The following FOXO1 variants were observed in gnomAD, a reference collection of about 807,000 sequenced individuals.
FOXO1 encodes forkhead box O1, also known as forkhead box protein O1.
In FOXO1, 6 loss-of-function variants were observed where a neutral mutation model predicts 44.1. That is an observed-to-expected ratio of 0.14 (90% CI 0.07 to 0.27). The LOEUF (loss-of-function observed/expected upper bound fraction) is 0.27. FOXO1 is among the 10% of genes least tolerant of loss of function. The probability of loss-of-function intolerance (pLI) is 1.00; values close to 1 mark genes in which losing one functional copy is unlikely to be tolerated. For synonymous variants in FOXO1, 380 were observed against 362.7 expected, an observed-to-expected ratio of 1.05 and a Z score of -0.54; for missense variants, 737 against 888.8, an observed-to-expected ratio of 0.83 and a Z score of 2.17.
chr13:40,631,188 G>A (rs943000407), intron 1 of FOXO1, among the ~76,000 whole-genome samples: 1 of 152,112 alleles, frequency 6.6e-6, no homozygotes, highest in Non-Finnish European at 1.5e-5. Context: ...GGATCCCTGC[G>A]AAAAGTATTT....
At chr13:40,664,050 C>T (rs1878132649) in intron 1 of FOXO1, among the ~76,000 whole-genome samples, 1 of 152,076 alleles carries the variant, frequency 6.6e-6, no homozygotes. Context: ...CGAGGCGGGC[C>T]GATCACGAGG....
intron 1 of FOXO1, among the ~76,000 whole-genome samples, chr13:40,565,106 T>C (rs957982388): frequency 6.6e-6 from 1 of 151,794 alleles, no homozygotes; most frequent in African/African-American, 2.4e-5. Flanking sequence ...CCTCAATAAC[T>C]GTTTGTTGCT....
At chr13:40,602,728 C>A (rs1264774403) in intron 1 of FOXO1, among the ~76,000 whole-genome samples, 1 of 152,166 alleles carries the variant, frequency 6.6e-6, no homozygotes, top group African/African-American at 2.4e-5. Flanking sequence ...TGATACAGCA[C>A]CTTTCAACAC....
In FOXO1 at chr13:40,611,191, C is replaced by A. The variant is rs1876216082; in HGVS notation, c.631-50331G>T. 2.3e-5 allele frequency: 8 copies of A among 342,568 alleles called. No homozygotes were observed. In the Admixed American group the frequency reaches 3.1e-4, roughly 13 times the overall value. The allele number at this position is 342,568 out of a possible 1,614,324, so 21.2% of individuals were successfully genotyped here. On this transcript the variant is annotated intron_variant, in intron 1 of 2. Coordinates refer to ENST00000379561, the MANE Select transcript of FOXO1 (RefSeq NM_002015.4). ...CAATGAGTTTTGTTCTACCCTGTTA[C>A]ATAAACAAGTTCTATGTGACCTCAC...
At chr13:40,597,968 G>A (rs866660343) in intron 1 of FOXO1, among the ~76,000 whole-genome samples, 2 of 152,084 alleles carry the variant, frequency 1.3e-5, no homozygotes. Context: ...GCGGTGCTCG[G>A]GCCAAGTCCT....
chr13:40,615,147 C>G (rs78014923), intron 1 of FOXO1, among the ~76,000 whole-genome samples: 1 of 152,358 alleles, frequency 6.6e-6, no homozygotes, highest in African/African-American at 2.4e-5. Context: ...ATGAACAAAA[C>G]AGAGGATGCT....
At chr13:40,579,887 A>G (rs542631192) in intron 1 of FOXO1, among the ~76,000 whole-genome samples, 25 of 152,236 alleles carry the variant, frequency 1.6e-4, no homozygotes, top group Non-Finnish European at 2.8e-4. Context: ...CTGACAGTGA[A>G]CATCAATCAT....
chr13:40,558,366 C>CA lies in FOXO1; in HGVS notation c.*682dup, dbSNP rs3841230. 9.9e-4 allele frequency: 150 copies of CA among 150,880 alleles called. No individual in the cohort carries two copies. In the East Asian group the frequency reaches 0.013, roughly 14 times the overall value. 9.3% of individuals were successfully genotyped at this position (150,880 alleles called of 1,614,324 possible). On this transcript the variant is annotated 3_prime_UTR_variant, in exon 3 of 3. Coordinates refer to ENST00000379561, the MANE Select transcript of FOXO1 (RefSeq NM_002015.4). ...ACAAATTTGCAAATAACAAAATAAA[C>CA]AAAAAAAAATAGAAAAGACCTGTAC...
rs1873812040 is a variant in FOXO1 at position 40,557,759 on chromosome 13, G to A, written c.*1290C>T. On this transcript the variant is annotated 3_prime_UTR_variant, in exon 3 of 3. Coordinates refer to ENST00000379561, the MANE Select transcript of FOXO1 (RefSeq NM_002015.4). ...CTTTTGCTAAAGCTCAACTCAAAAT[G>A]GTGAAGTGGATCAAAATCCCTCGTT... is the stretch of plus-strand genomic sequence containing the variant. 6.6e-6 allele frequency: 1 copy of A among 152,206 alleles called. No individual in the cohort carries two copies. The allele number at this position is 152,206 out of a possible 1,614,324, so 9.4% of individuals were successfully genotyped here. A position where few individuals can be genotyped will look rare whatever the true frequency, so the allele number is the denominator to read the frequency against.
In FOXO1 at chr13:40,616,255, T is replaced by C. The variant is rs549851376; in HGVS notation, c.630+49328A>G. ...CTGAGACAAGAATATCTGGGAATGA[T>C]AGTAAGGAGGATTTCTTTTTAAATG... On this transcript the variant is annotated intron_variant, in intron 1 of 2. Coordinates refer to ENST00000379561, the MANE Select transcript of FOXO1 (RefSeq NM_002015.4). Among the ~76,000 whole-genome samples the C allele has an allele frequency of 7.2e-5, 11 of 151,832 alleles. 1 individual carries two copies. Among genetic ancestry groups the C allele is most frequent in the African/African-American group, 2.4e-4 (10 of 41,368 alleles).
At chr13:40,613,190 A>T (rs1248515358) in intron 1 of FOXO1, among the ~76,000 whole-genome samples, 1 of 152,178 alleles carries the variant, frequency 6.6e-6, no homozygotes, top group Non-Finnish European at 1.5e-5. Context: ...TAGCAAAGTC[A>T]AAAGTGTCCT....
chr13:40,594,391 A>G (rs1875499242), intron 1 of FOXO1, among the ~76,000 whole-genome samples: 1 of 152,072 alleles, frequency 6.6e-6, no homozygotes, highest in Non-Finnish European at 1.5e-5. Flanking sequence ...TAACCCCTTC[A>G]TTTCAGGGTT....
chr13:40,558,927 G>GT lies in FOXO1; in HGVS notation c.*121dup, dbSNP rs200144910. The GT allele has an allele frequency of 0.41, 142,155 of 346,246 alleles. 18,316 individuals are homozygous for GT. The highest frequency in any genetic ancestry group is 0.56 in the East Asian group (13,636 of 24,544). The allele number at this position is 346,246 out of a possible 1,614,324, so 21.4% of individuals were successfully genotyped here. ...GGAAAAAAGGAGGGTTTTTTTTTTT[G>GT]TTTTTTTTTTTAACCAAGAAAACTA... On this transcript the variant is annotated 3_prime_UTR_variant, in exon 3 of 3. Transcript: ENST00000379561.
At chr13:40,618,361 C>A (rs1876495550) in intron 1 of FOXO1, among the ~76,000 whole-genome samples, 1 of 152,236 alleles carries the variant, frequency 6.6e-6, no homozygotes, top group Admixed American at 6.5e-5. Flanking sequence ...TAGGCATGAG[C>A]CATGACACCT....
At chr13:40,559,362 A>G in intron 2 of FOXO1, 147 bp downstream of exon 2, 1 of 691,480 alleles carries the variant, frequency 1.4e-6, no homozygotes, top group Non-Finnish European at 2.3e-6. Context: ...TAAGCTGCAA[A>G]AAGGACAGAG....
chr13:40,651,295 T>C (rs938735787), intron 1 of FOXO1, among the ~76,000 whole-genome samples: 5 of 152,116 alleles, frequency 3.3e-5, no homozygotes, highest in African/African-American at 1.2e-4. Flanking sequence ...TTCAGAACAC[T>C]GAAAGTATCA....
chr13:40,578,077 T>A (rs576322418), intron 1 of FOXO1, among the ~76,000 whole-genome samples: 1 of 152,260 alleles, frequency 6.6e-6, no homozygotes, highest in Non-Finnish European at 1.5e-5. Context: ...CTTCCCTCAA[T>A]TGCCATCTAG....
At chr13:40,636,996 C>T (rs1877178518) in intron 1 of FOXO1, among the ~76,000 whole-genome samples, 1 of 152,144 alleles carries the variant, frequency 6.6e-6, no homozygotes, top group African/African-American at 2.4e-5. Flanking sequence ...AACCCTTGAT[C>T]ATTATTGCAC....
At chr13:40,642,908 C>T (rs1435735875) in intron 1 of FOXO1, among the ~76,000 whole-genome samples, 1 of 152,050 alleles carries the variant, frequency 6.6e-6, no homozygotes, top group Non-Finnish European at 1.5e-5. Flanking sequence ...AGATCCTCTC[C>T]CAAAAATAAA....
Sources: allele counts gnomAD v4.1 joint callset (sites outside exome capture counted in the v4.1 genomes callset), GRCh38; gene constraint gnomAD v4.1.1; transcripts MANE v1.5; gene names NCBI Gene and HGNC (gene_info 2026-07-23, HGNC 2026-07-21).